The following SIPA1L2 variants were observed in gnomAD, a reference collection of about 807,000 sequenced individuals.
SIPA1L2 encodes the protein signal-induced proliferation-associated 1-like protein 2.
Under a neutral mutation model 163.9 loss-of-function variants are expected in SIPA1L2, and 56 were observed. The ratio of observed to expected loss-of-function variants is 0.34; its 90% confidence interval spans 0.28 to 0.43. The LOEUF is 0.43. Ranked by LOEUF, SIPA1L2 falls within the 20% of genes least tolerant of loss-of-function variation. The probability of loss-of-function intolerance (pLI) is 1.00; values close to 1 mark genes in which losing one functional copy is unlikely to be tolerated. For missense variants in SIPA1L2, 1,974 were observed against 2,193.5 expected (o/e 0.90, Z 2.00); for synonymous variants, 877 against 865.7 (o/e 1.01, Z -0.23).
At chr1:232,530,226 C>CA (rs1667909028) in intron 2 of SIPA1L2, among the ~76,000 whole-genome samples, 4 of 21,492 alleles carry the variant, frequency 1.9e-4, no homozygotes, top group Admixed American at 1.1e-3. Context: ...GCGATTCCCC[C>CA]GCCCAGCCTC....
intron 10 of SIPA1L2, among the ~76,000 whole-genome samples, chr1:232,450,333 A>C (rs960370524): frequency 1.3e-5 from 2 of 152,208 alleles, no homozygotes. Context: ...ATTGCTTCCA[A>C]GTGTTTTCTG....
intron 20 of SIPA1L2, among the ~76,000 whole-genome samples, chr1:232,403,782 T>C (rs902241260): frequency 2.6e-5 from 4 of 152,208 alleles, no homozygotes; most frequent in Non-Finnish European, 5.9e-5. Flanking sequence ...CTGGGCTGTA[T>C]GGCCTATGCA....
intron 11 of SIPA1L2, 78 bp downstream of exon 11, chr1:232,445,451 A>G (rs999542175): frequency 1.6e-5 from 25 of 1,591,076 alleles, no homozygotes; most frequent in Non-Finnish European, 2.1e-5. Flanking sequence ...GTGATTAAGC[A>G]AAACCCTCCC....
chr1:232,410,089 T>G lies in SIPA1L2; in HGVS notation c.4762+5405A>C, dbSNP rs1660863363. ...CCCTTTTTTTCTTTGCATTCCTTGT[T>G]TAAATGTCAAAGATTCCAGTATAAA... On this transcript the variant is annotated intron_variant, in intron 19 of 22. Transcript: ENST00000674635. Among the ~76,000 whole-genome samples the G allele has an allele frequency of 2.0e-5, 3 of 152,148 alleles. No individual in the cohort carries two copies. The East Asian group carries it at 5.8e-4, about 29-fold the overall frequency.
chr1:232,462,383 T>C lies in SIPA1L2; in HGVS notation c.2821-1222A>G, dbSNP rs1433246000. 18 of 1,484,534 alleles carry C rather than the reference T, an allele frequency of 1.2e-5. No individual in the cohort carries two copies. The East Asian group carries it at 1.5e-4, about 12-fold the overall frequency. The allele number at this position is 1,484,534 out of a possible 1,614,324, so 92.0% of individuals were successfully genotyped here. On this transcript the variant is annotated intron_variant, in intron 9 of 22. Coordinates refer to ENST00000674635, the MANE Select transcript of SIPA1L2 (RefSeq NM_020808.5). ...TTCTATGAAACATGCTCTGACTACA[T>C]AGATACCTATTTAATAAGACCTATG...
At chr1:232,441,428 A>G in intron 13 of SIPA1L2, 34 bp from the exon 14 acceptor site, 2 of 1,515,254 alleles carry the variant, frequency 1.3e-6, no homozygotes, top group Non-Finnish European at 1.8e-6. Context: ...TGAATTTCCA[A>G]TTTCCAGTAT....
At chr1:232,479,532 G>T in intron 7 of SIPA1L2, 95 bp downstream of exon 7, 1 of 982,076 alleles carries the variant, frequency 1.0e-6, no homozygotes, top group Non-Finnish European at 1.6e-6. Context: ...AACCCTCACT[G>T]ATTCTTTGCA....
At chr1:232,438,597 C>T (rs1330468643) in intron 15 of SIPA1L2, among the ~76,000 whole-genome samples, 1 of 152,228 alleles carries the variant, frequency 6.6e-6, no homozygotes, top group East Asian at 1.9e-4. Context: ...TGAATGAACC[C>T]CAGCTGCAGA....
chr1:232,491,104 C>A, intron 4 of SIPA1L2, 42 bp from the exon 5 acceptor site: 2 of 1,539,894 alleles, frequency 1.3e-6, no homozygotes, highest in South Asian at 1.2e-5. Context: ...TATTGATTCT[C>A]AATTACCTAC....
chr1:232,520,409 G>C (rs1381913542), intron 2 of SIPA1L2, among the ~76,000 whole-genome samples: 1 of 152,186 alleles, frequency 6.6e-6, no homozygotes, highest in Non-Finnish European at 1.5e-5. Context: ...CATGCTAACT[G>C]TCTTGGTAAT....
intron 6 of SIPA1L2, among the ~76,000 whole-genome samples, chr1:232,482,854 A>G (rs1665434666): frequency 6.6e-6 from 1 of 152,220 alleles, no homozygotes; most frequent in African/African-American, 2.4e-5. Flanking sequence ...GCTCCCACAC[A>G]GAAAACTTCC....
chr1:232,473,935 A>G (rs1354252550), intron 7 of SIPA1L2, among the ~76,000 whole-genome samples: 1 of 152,234 alleles, frequency 6.6e-6, no homozygotes, highest in Non-Finnish European at 1.5e-5. Context: ...TAACAGAAAT[A>G]TTATTCATTT....
chr1:232,497,568 C>T (rs1171890167), intron 3 of SIPA1L2, among the ~76,000 whole-genome samples: 1 of 152,214 alleles, frequency 6.6e-6, no homozygotes, highest in Non-Finnish European at 1.5e-5. Context: ...CACTCAAGGT[C>T]TTGTTGCCAA....
At chr1:232,612,586 T>C (rs1375444917) in intron 1 of SIPA1L2, among the ~76,000 whole-genome samples, 1 of 152,210 alleles carries the variant, frequency 6.6e-6, no homozygotes, top group Non-Finnish European at 1.5e-5. Flanking sequence ...ATTTCAGACT[T>C]GCATGGGCCC....
chr1:232,476,590 G>A (rs1411530961), intron 7 of SIPA1L2, among the ~76,000 whole-genome samples: 1 of 152,122 alleles, frequency 6.6e-6, no homozygotes, highest in Non-Finnish European at 1.5e-5. Context: ...TGGAAAAAGT[G>A]GATGGACTGC....
chr1:232,558,525 A>ATATT (rs1658848815), intron 2 of SIPA1L2, among the ~76,000 whole-genome samples: 1 of 152,240 alleles, frequency 6.6e-6, no homozygotes, highest in Non-Finnish European at 1.5e-5. Context: ...CATGGTGAGC[A>ATATT]TATTTAGTTT....
intron 7 of SIPA1L2, among the ~76,000 whole-genome samples, chr1:232,476,300 G>A (rs900588631): frequency 6.6e-6 from 1 of 152,074 alleles, no homozygotes; most frequent in African/African-American, 2.4e-5. Context: ...CAGAAACCTA[G>A]GGGCTTGGTC....
intron 21 of SIPA1L2, chr1:232,402,743 A>G (rs1055035305): frequency 3.8e-6 from 1 of 261,166 alleles, no homozygotes; most frequent in Non-Finnish European, 7.4e-6. Flanking sequence ...GGTTTATCCA[A>G]TGGAGACAAG....
chr1:232,493,014 G>C (rs1407111307), intron 4 of SIPA1L2, among the ~76,000 whole-genome samples: 1 of 150,938 alleles, frequency 6.6e-6, no homozygotes, highest in Non-Finnish European at 1.5e-5. Flanking sequence ...TGGAGAAGAG[G>C]CCTCGTAGGG....
Sources: allele counts gnomAD v4.1 joint callset (sites outside exome capture counted in the v4.1 genomes callset), GRCh38; gene constraint gnomAD v4.1.1; transcripts MANE v1.5; gene names NCBI Gene and HGNC (gene_info 2026-07-23, HGNC 2026-07-21).